The following IL1RL1 variants were observed in gnomAD, a reference collection of about 807,000 sequenced individuals.
IL1RL1 encodes the protein interleukin-1 receptor-like 1.
Under a neutral mutation model 50.9 loss-of-function variants are expected in IL1RL1, and 32 were observed. The observed-to-expected ratio is 0.63, with a 90% confidence interval of 0.47 to 0.84. The LOEUF (loss-of-function observed/expected upper bound fraction) is 0.84, where lower values mean the gene tolerates loss of function less well. IL1RL1 is among the 40% of genes least tolerant of loss of function. IL1RL1 has a pLI of 0.00. For missense variants in IL1RL1, 773 were observed against 662.9 expected (o/e 1.17, Z -1.82); for synonymous variants, 275 against 236.0 (o/e 1.17, Z -1.51).
intron 1 of IL1RL1, among the ~76,000 whole-genome samples, chr2:102,317,359 A>G (rs1676707854): frequency 6.6e-6 from 1 of 152,198 alleles, no homozygotes; most frequent in Non-Finnish European, 1.5e-5. Flanking sequence ...GTCTCAAAAA[A>G]AAAAGTTTCA....
At chr2:102,333,585 C>G (rs1428868255) in intron 1 of IL1RL1, among the ~76,000 whole-genome samples, 1 of 152,006 alleles carries the variant, frequency 6.6e-6, no homozygotes, top group Non-Finnish European at 1.5e-5. Context: ...ATGATGGTTT[C>G]TTCTGTTTTT....
At chr2:102,343,015 A>T in intron 6 of IL1RL1, 21 bp from the exon 7 acceptor site, 1 of 1,606,686 alleles carries the variant, frequency 6.2e-7, no homozygotes, top group Non-Finnish European at 8.5e-7. Flanking sequence ...TTTATTGGTG[A>T]ATGTCCTTAC....
At chr2:102,342,966 TACA>T in intron 6 of IL1RL1, 67 bp from the exon 7 acceptor site, 1 of 1,489,150 alleles carries the variant, frequency 6.7e-7, no homozygotes, top group Admixed American at 2.0e-5. Context: ...GTTTTTTTTT[TACA>T]TTAAATGGGA....
At chr2:102,339,230 C>T (rs950010846) in intron 3 of IL1RL1, 183 bp downstream of exon 3, 2 of 569,544 alleles carry the variant, frequency 3.5e-6, no homozygotes, top group Non-Finnish European at 6.2e-6. Flanking sequence ...TGAGGTCTAG[C>T]TCATTCTGAG....
intron 1 of IL1RL1, among the ~76,000 whole-genome samples, chr2:102,317,077 C>T (rs1190452206): frequency 1.3e-5 from 2 of 152,110 alleles, no homozygotes; most frequent in African/African-American, 4.8e-5. Flanking sequence ...TGTTTCAGCC[C>T]AGCATGGTGG....
intron 1 of IL1RL1, among the ~76,000 whole-genome samples, chr2:102,312,233 G>C (rs1676538483): frequency 6.9e-6 from 1 of 144,662 alleles, no homozygotes; most frequent in Non-Finnish European, 1.5e-5. Context: ...GAGTTTAATT[G>C]TGTTTTGGTG....
At chr2:102,341,504 G>C in intron 5 of IL1RL1, 1 of 254,764 alleles carries the variant, frequency 3.9e-6, no homozygotes, top group Non-Finnish European at 6.5e-6. Context: ...AGACGTAGAT[G>C]TAATAGCCCC....
At chr2:102,327,090 C>A (rs1036422931) in intron 1 of IL1RL1, among the ~76,000 whole-genome samples, 1 of 152,066 alleles carries the variant, frequency 6.6e-6, no homozygotes, top group Non-Finnish European at 1.5e-5. Context: ...CCAAAATTGA[C>A]CACATAGTTG....
At chr2:102,333,647 T>C (rs1011671724) in intron 1 of IL1RL1, among the ~76,000 whole-genome samples, 10 of 152,186 alleles carry the variant, frequency 6.6e-5, no homozygotes, top group Admixed American at 5.2e-4. Flanking sequence ...ACTTGTTTGT[T>C]ACAAAGGTAT....
intron 8 of IL1RL1, among the ~76,000 whole-genome samples, chr2:102,347,632 G>A (rs974298190): frequency 6.6e-6 from 1 of 152,100 alleles, no homozygotes; most frequent in Non-Finnish European, 1.5e-5. Context: ...CCCTTTCCCA[G>A]TCCTGCATGG....
chr2:102,348,651 G>T (rs1293373532), intron 9 of IL1RL1, among the ~76,000 whole-genome samples: 1 of 152,170 alleles, frequency 6.6e-6, no homozygotes, highest in East Asian at 1.9e-4. Context: ...GGAGCTCATT[G>T]TTTGATCTGT....
intron 8 of IL1RL1, chr2:102,343,620 C>T (rs1677670177): frequency 3.5e-6 from 5 of 1,442,178 alleles, no homozygotes; most frequent in Middle Eastern, 2.6e-4. Flanking sequence ...TTAAATTGTT[C>T]GTCCTCCCCC....
chr2:102,351,573 C>T lies in IL1RL1; in HGVS notation c.1323C>T (p.Ser441=), dbSNP rs201145282. 1.7e-5 allele frequency: 28 copies of T among 1,613,842 alleles called. No homozygotes were observed. The highest frequency in any genetic ancestry group is 2.3e-5 in the Non-Finnish European group (27 of 1,179,890). The change falls in exon 11 of 11, where the codon AGC becomes AGT. Residue 441 remains serine, a synonymous_variant. Coordinates refer to ENST00000233954, the MANE Select transcript of IL1RL1 (RefSeq NM_016232.5). ...VTAVETNIRK[S]RRHIFILTPQ... ...CAGTGGAAACCAACATACGAAAGAG[C>T]AGGCGGCACATTTTCATCCTGACCC...
chr2:102,325,630 G>A (rs1240908274), intron 1 of IL1RL1, among the ~76,000 whole-genome samples: 1 of 152,166 alleles, frequency 6.6e-6, no homozygotes, highest in African/African-American at 2.4e-5. Flanking sequence ...TGGCTAACTA[G>A]AATAACCAAT....
intron 1 of IL1RL1, among the ~76,000 whole-genome samples, chr2:102,331,923 C>T (rs1258344487): frequency 6.6e-6 from 1 of 151,272 alleles, no homozygotes; most frequent in African/African-American, 2.5e-5. Flanking sequence ...CAAAAATTAG[C>T]TGGGCATGGT....
chr2:102,314,089 T>C (rs1676601066), intron 1 of IL1RL1, among the ~76,000 whole-genome samples: 1 of 152,002 alleles, frequency 6.6e-6, no homozygotes, highest in African/African-American at 2.4e-5. Flanking sequence ...GGGCCAAGGG[T>C]AGGATGGCTT....
chr2:102,336,799 T>G (rs1677341831), intron 1 of IL1RL1, among the ~76,000 whole-genome samples: 1 of 152,122 alleles, frequency 6.6e-6, no homozygotes, highest in Admixed American at 6.5e-5. Flanking sequence ...AGACAGAGAA[T>G]TTCTAAGTTC....
Position 102,344,766 on chromosome 2 carries a change from C to T in IL1RL1, c.970+1351C>T, listed in dbSNP as rs141439669. ...TTTTTTTGTGTACATTTCTACTTCTCTAGCTATAAGTCTTAATTATACAAC... is the reference window on the plus strand; with the variant it reads ...TTTTTTTGTGTACATTTCTACTTCTTTAGCTATAAGTCTTAATTATACAAC... On this transcript the variant is annotated intron_variant, in intron 8 of 10. Transcript: ENST00000233954. The T allele has an allele frequency of 4.3e-4, 402 of 938,452 alleles. No homozygotes were observed. The African/African-American group carries it at 6.2e-3, about 15-fold the overall frequency. 58.1% of individuals were successfully genotyped at this position (938,452 alleles called of 1,614,324 possible). A position where few individuals can be genotyped will look rare whatever the true frequency, so the allele number is the denominator to read the frequency against.
intron 1 of IL1RL1, among the ~76,000 whole-genome samples, chr2:102,330,462 C>T (rs1029495771): frequency 6.6e-6 from 1 of 152,156 alleles, no homozygotes. Context: ...GCACGTTGTG[C>T]ACATGTACCC....
Sources: allele counts gnomAD v4.1 joint callset (sites outside exome capture counted in the v4.1 genomes callset), GRCh38; gene constraint gnomAD v4.1.1; transcripts MANE v1.5; gene names NCBI Gene and HGNC (gene_info 2026-07-23, HGNC 2026-07-21).